GALNT9: variants seen among roughly 807,000 people sequenced by gnomAD.
GALNT9 encodes the protein GalNAc transferase 9.
A neutral mutation model predicts 63.1 loss-of-function variants in GALNT9; 47 were observed. That is an observed-to-expected ratio of 0.75 (90% CI 0.59 to 0.95). The LOEUF (loss-of-function observed/expected upper bound fraction) is 0.95, where lower values mean the gene tolerates loss of function less well. Among genes scored for constraint, GALNT9 ranks in the 40% least tolerant of loss-of-function variants. The probability of loss-of-function intolerance (pLI) is 0.00; values close to 1 mark genes in which losing one functional copy is unlikely to be tolerated. For missense variants in GALNT9, 829 were observed against 874.8 expected (o/e 0.95, Z 0.66); for synonymous variants, 396 against 365.7 (o/e 1.08, Z -0.94).
chr12:132,205,626 C>T (rs1018891240), intron 6 of GALNT9: 1 of 152,486 alleles, frequency 6.6e-6, no homozygotes, highest in Middle Eastern at 3.4e-3. Flanking sequence ...TGAAGTTGGC[C>T]TTTGCATCCC....
At chr12:132,220,731 G>A (rs192900630) in intron 6 of GALNT9, among the ~76,000 whole-genome samples, 27 of 152,298 alleles carry the variant, frequency 1.8e-4, no homozygotes, top group African/African-American at 6.3e-4. Flanking sequence ...TCCACATGGG[G>A]AGGCCACGCA....
intron 6 of GALNT9, among the ~76,000 whole-genome samples, chr12:132,243,288 C>T (rs1593080483): frequency 3.5e-5 from 5 of 143,662 alleles, no homozygotes; most frequent in African/African-American, 1.2e-4. Flanking sequence ...ACACACACTT[C>T]CCGGGGCCCT....
chr12:132,204,469 G>A (rs1876495046), intron 6 of GALNT9, among the ~76,000 whole-genome samples: 1 of 152,166 alleles, frequency 6.6e-6, no homozygotes, highest in African/African-American at 2.4e-5. Flanking sequence ...ACAGGCCTGA[G>A]TAGGACAGAA....
chr12:132,257,667 G>A (rs782675050), intron 5 of GALNT9, 22 bp downstream of exon 5: 30 of 1,530,106 alleles, frequency 2.0e-5, no homozygotes, highest in Middle Eastern at 1.7e-4. Context: ...GGCCGCCCTC[G>A]ACCCCTGAGG....
chr12:132,197,287 C>CT, intron 10 of GALNT9, 34 bp from the exon 11 acceptor site: 1 of 1,604,272 alleles, frequency 6.2e-7, no homozygotes, highest in Non-Finnish European at 8.5e-7. Context: ...CAGCCAGGTG[C>CT]AGGCGTCCTT....
At chr12:132,255,992 C>T (rs1052555351) in intron 5 of GALNT9, among the ~76,000 whole-genome samples, 2 of 152,166 alleles carry the variant, frequency 1.3e-5, no homozygotes, top group African/African-American at 4.8e-5. Flanking sequence ...CCCACCTGGG[C>T]CTCCCAAGTG....
At chr12:132,226,533 A>C (rs1877695294) in intron 6 of GALNT9, among the ~76,000 whole-genome samples, 1 of 137,672 alleles carries the variant, frequency 7.3e-6, no homozygotes. Flanking sequence ...ACACACATAC[A>C]CAACACACAA....
intron 1 of GALNT9, among the ~76,000 whole-genome samples, chr12:132,293,054 G>C (rs1365414145): frequency 6.6e-6 from 1 of 152,112 alleles, no homozygotes; most frequent in African/African-American, 2.4e-5. Flanking sequence ...GGAGTGGCGG[G>C]GCCAGGGCTG....
At chr12:132,267,765 A>ACACGCAC (rs1555240315) in intron 2 of GALNT9, among the ~76,000 whole-genome samples, 1 of 128,762 alleles carries the variant, frequency 7.8e-6, no homozygotes, top group South Asian at 2.1e-4. Context: ...TCACACACAC[A>ACACGCAC]TGCACTCACA....
Position 132,203,096 on chromosome 12 carries a change from C to T in GALNT9, c.1263+409G>A, listed in dbSNP as rs142842792. On this transcript the variant is annotated intron_variant, in intron 7 of 10. Transcript: ENST00000328957. ...GCGTATGAGCCGTTCATGAAACCGC[C>T]AGACAGTTGAGGCTGCCCGGGGCTG... Among the ~76,000 whole-genome samples the T allele has an allele frequency of 2.2e-4, 33 of 152,238 alleles. No individual in the cohort carries two copies. In the East Asian group the frequency reaches 5.8e-3, roughly 27 times the overall value.
chr12:132,245,124 G>A lies in GALNT9; in HGVS notation c.1077+2786C>T, dbSNP rs1179743629. ...GCGGTGACACAGGCTCCCCTGCCCCGCGGAGGAGTCAGGCCATCAGAAAGG... is the reference window on the plus strand; with the variant it reads ...GCGGTGACACAGGCTCCCCTGCCCCACGGAGGAGTCAGGCCATCAGAAAGG... On this transcript the variant is annotated intron_variant, in intron 6 of 10. Transcript: ENST00000328957. The surrounding 1 kb of genome is among the most constrained non-coding windows in gnomAD (Gnocchi z 6.3). Among the ~76,000 whole-genome samples the A allele has an allele frequency of 6.6e-6, 1 of 151,940 alleles. No homozygotes were observed. The highest frequency in any genetic ancestry group is 1.5e-5 in the Non-Finnish European group (1 of 67,954).
At chr12:132,254,439 C>T (rs1879039609) in intron 5 of GALNT9, among the ~76,000 whole-genome samples, 2 of 152,300 alleles carry the variant, frequency 1.3e-5, no homozygotes, top group South Asian at 4.1e-4. Context: ...ATTTTTTTCT[C>T]TCGCCTATTA....
At chr12:132,210,822 CGTCTGG>C (rs1466546721) in intron 6 of GALNT9, among the ~76,000 whole-genome samples, 3 of 138,830 alleles carry the variant, frequency 2.2e-5, no homozygotes, top group East Asian at 2.1e-4. Flanking sequence ...GGGTGGTCGC[CGTCTGG>C]AGGTCGCCGT....
chr12:132,259,485 G>A (rs781870616), intron 4 of GALNT9, among the ~76,000 whole-genome samples: 15 of 152,220 alleles, frequency 9.9e-5, no homozygotes, highest in Admixed American at 3.3e-4. Flanking sequence ...GCGGAGGAGC[G>A]AGGAAGGGGA....
Position 132,225,391 on chromosome 12 carries a change from A to C in GALNT9, c.1078-21701T>G, listed in dbSNP as rs1330850423. ...ACACCCCACACGCTGTACACACCCT[A>C]CACACATACACACCACACAACCCAC... On this transcript the variant is annotated intron_variant, in intron 6 of 10. Coordinates refer to ENST00000328957, the MANE Select transcript of GALNT9 (RefSeq NM_001122636.2). 8.8e-4 allele frequency among the ~76,000 whole-genome samples: 118 copies of C among 133,814 alleles called. 1 individual carries two copies. The highest frequency in any genetic ancestry group is 3.2e-3 in the African/African-American group (112 of 35,000). The allele number at this position is 133,814 out of a possible 152,430, so 87.8% of individuals were successfully genotyped here. A position where few individuals can be genotyped will look rare whatever the true frequency, so the allele number is the denominator to read the frequency against.
At chr12:132,320,983 G>A (rs1181815905) in intron 1 of GALNT9, among the ~76,000 whole-genome samples, 3 of 152,196 alleles carry the variant, frequency 2.0e-5, no homozygotes, top group African/African-American at 4.8e-5. Flanking sequence ...CCAGGCGGTC[G>A]ACGCCACAGT....
At chr12:132,285,867 T>C (rs563639351) in intron 2 of GALNT9, among the ~76,000 whole-genome samples, 1 of 147,982 alleles carries the variant, frequency 6.8e-6, no homozygotes, top group South Asian at 2.2e-4. Flanking sequence ...TACAGAGAGA[T>C]TGAGAGAAGG....
chr12:132,222,247 T>G (rs944051010), intron 6 of GALNT9, among the ~76,000 whole-genome samples: 13 of 152,098 alleles, frequency 8.5e-5, no homozygotes, highest in Non-Finnish European at 1.8e-4. Context: ...TCAAACAGGC[T>G]TCCCTAAGAA....
In GALNT9 at chr12:132,316,897, C is replaced by T. The variant is rs1475895892; in HGVS notation, c.238+12069G>A. Among the ~76,000 whole-genome samples, 4 of 151,806 alleles carry T rather than the reference C, an allele frequency of 2.6e-5. No homozygotes were observed. Among genetic ancestry groups the T allele is most frequent in the African/African-American group, 9.7e-5 (4 of 41,206 alleles). On this transcript the variant is annotated intron_variant, in intron 1 of 10. Coordinates refer to ENST00000328957, the MANE Select transcript of GALNT9 (RefSeq NM_001122636.2). This position sits in a 1 kb window ranked among gnomAD's most constrained non-coding sequence, Gnocchi z 4.3. The stretch of plus-strand genomic sequence containing the variant: ...GCCAGGAATGCTGCATGGCCTGGCC[C>T]CCATTCTACACCCCACAGAGCACAG...
Sources: allele counts gnomAD v4.1 joint callset (sites outside exome capture counted in the v4.1 genomes callset), GRCh38; gene constraint gnomAD v4.1.1; non-coding constraint Gnocchi (gnomAD v3.1); transcripts MANE v1.5; gene names NCBI Gene and HGNC (gene_info 2026-07-23, HGNC 2026-07-21).